The following ATP2B2 variants were observed in gnomAD, a reference collection of about 807,000 sequenced individuals.
ATP2B2 encodes the protein plasma membrane calcium-transporting ATPase 2.
In ATP2B2, 15 loss-of-function variants were observed where a neutral mutation model predicts 120.0. The observed-to-expected ratio is 0.12, with a 90% CI of 0.08 to 0.19. The LOEUF (loss-of-function observed/expected upper bound fraction) is 0.19, where lower values mean the gene tolerates loss of function less well. ATP2B2 is among the 10% of genes least tolerant of loss of function. ATP2B2 has a pLI of 1.00. For missense variants in ATP2B2, 1,045 were observed against 1,719.8 expected (o/e 0.61, Z 6.94); for synonymous variants, 694 against 700.3 (o/e 0.99, Z 0.14).
chr3:10,447,637 C>T (rs1245780710), intron 2 of ATP2B2, among the ~76,000 whole-genome samples: 1 of 152,188 alleles, frequency 6.6e-6, no homozygotes, highest in African/African-American at 2.4e-5. Context: ...CTTGAACAAC[C>T]CTGCCTGCCA....
intron 1 of ATP2B2, among the ~76,000 whole-genome samples, chr3:10,674,167 T>C (rs2071188144): frequency 6.6e-6 from 1 of 152,044 alleles, no homozygotes; most frequent in African/African-American, 2.4e-5. Context: ...GTGGGAACCA[T>C]TTGGGGGTGG....
chr3:10,585,348 A>T (rs71316406), intron 2 of ATP2B2, among the ~76,000 whole-genome samples: 39,191 of 151,346 alleles, frequency 0.26, 5,908 homozygotes, highest in East Asian at 0.49. Context: ...ACAAAAAGTT[A>T]GCTGGGTGTG....
chr3:10,358,575 G>A, intron 14 of ATP2B2, 116 bp downstream of exon 14: 2 of 973,696 alleles, frequency 2.1e-6, no homozygotes, highest in Non-Finnish European at 3.2e-6. Context: ...AAATCCCCAT[G>A]GGCATTATGT....
chr3:10,599,802 G>T (rs910952912), intron 2 of ATP2B2, among the ~76,000 whole-genome samples: 1 of 119,998 alleles, frequency 8.3e-6, no homozygotes, highest in East Asian at 2.9e-4. Flanking sequence ...TGTTCTATAA[G>T]GGGGTGGGGG....
At chr3:10,695,374 C>T (rs562576248) in intron 1 of ATP2B2, among the ~76,000 whole-genome samples, 2 of 152,104 alleles carry the variant, frequency 1.3e-5, no homozygotes, top group Non-Finnish European at 1.5e-5. Context: ...GAAAGACCTG[C>T]TCCCATGATT....
chr3:10,360,784 G>T (rs1046887374), intron 12 of ATP2B2, among the ~76,000 whole-genome samples: 6 of 152,192 alleles, frequency 3.9e-5, no homozygotes, highest in Non-Finnish European at 7.4e-5. Context: ...GCTTGTGTGT[G>T]GGTGTGCGTG....
intron 1 of ATP2B2, among the ~76,000 whole-genome samples, chr3:10,484,651 G>T (rs574449653): frequency 8.8e-4 from 134 of 152,266 alleles, no homozygotes; most frequent in Non-Finnish European, 9.1e-4. Flanking sequence ...CTCACATCCT[G>T]CAGGGCCCCC....
chr3:10,468,760 C>T (rs1001116727), intron 1 of ATP2B2, among the ~76,000 whole-genome samples: 2 of 152,218 alleles, frequency 1.3e-5, no homozygotes, highest in Admixed American at 6.5e-5. Flanking sequence ...CAGGTCTCGT[C>T]TTGGGTTCCT....
chr3:10,573,755 T>C (rs939144942), intron 2 of ATP2B2, among the ~76,000 whole-genome samples: 13 of 152,340 alleles, frequency 8.5e-5, no homozygotes, highest in Middle Eastern at 6.8e-3. Context: ...GCTTCTTTGC[T>C]GGTAGAGTGC....
upstream of ATP2B2, among the ~76,000 whole-genome samples, chr3:10,508,724 G>C (rs185734229): frequency 3.7e-3 from 570 of 152,302 alleles, 1 homozygote; most frequent in Non-Finnish European, 4.7e-3. Context: ...GGGGGCAGGG[G>C]GTATTGGACA....
At chr3:10,669,605 C>G (rs2071040092) in intron 1 of ATP2B2, among the ~76,000 whole-genome samples, 1 of 152,308 alleles carries the variant, frequency 6.6e-6, no homozygotes, top group Middle Eastern at 3.4e-3. Context: ...CCCAGGCACC[C>G]ATAAATATTT....
chr3:10,569,027 T>C (rs1223397162), intron 2 of ATP2B2, among the ~76,000 whole-genome samples: 2 of 152,208 alleles, frequency 1.3e-5, no homozygotes, highest in African/African-American at 2.4e-5. Flanking sequence ...TCTCGATGGA[T>C]CCTCCTCTTA....
intron 5 of ATP2B2, among the ~76,000 whole-genome samples, chr3:10,393,969 T>G (rs1024450002): frequency 6.6e-6 from 1 of 152,196 alleles, no homozygotes; most frequent in Non-Finnish European, 1.5e-5. Flanking sequence ...TGGGGTATGC[T>G]GAGCCATAGG....
At chr3:10,575,389 T>C (rs778442034) in intron 2 of ATP2B2, among the ~76,000 whole-genome samples, 6 of 151,616 alleles carry the variant, frequency 4.0e-5, no homozygotes, top group Non-Finnish European at 8.8e-5. Flanking sequence ...AGAGAAGAGG[T>C]CATTGGGAAA....
In ATP2B2 at chr3:10,410,631, G is replaced by A. The variant is rs369096792; in HGVS notation, c.384C>T (p.Gly128=). The A allele has an allele frequency of 2.2e-5, 36 of 1,606,554 alleles. No homozygotes were observed. The highest frequency in any genetic ancestry group is 2.6e-5 in the Non-Finnish European group (31 of 1,174,478). ...GGCCCATCTTACCTTCGTTGCCCTCGCCGGGCGGGTGGTAGAAGGACAGCC... is the reference window on the plus strand; with the variant it reads ...GGCCCATCTTACCTTCGTTGCCCTCACCGGGCGGGTGGTAGAAGGACAGCC... The part of the protein sequence containing the change: ...SLGLSFYHPP[G]EGNEGCATAQ... The change falls in exon 3 of 23, where the codon GGC becomes GGT. Residue 128 remains glycine (G), a synonymous_variant. Transcript: ENST00000360273.
chr3:10,349,370 G>A (rs940298639), intron 16 of ATP2B2, among the ~76,000 whole-genome samples: 3 of 152,166 alleles, frequency 2.0e-5, no homozygotes, highest in Admixed American at 2.0e-4. Context: ...CAGGAGGATG[G>A]CTTGAGCCTA....
At chr3:10,641,453 A>C (rs2125651992) in intron 1 of ATP2B2, among the ~76,000 whole-genome samples, 1 of 152,212 alleles carries the variant, frequency 6.6e-6, no homozygotes, top group East Asian at 1.9e-4. Context: ...CAAGTCCCTA[A>C]ATTTTCCAAT....
chr3:10,342,870 G>T lies in ATP2B2; in HGVS notation c.2799C>A (p.Thr933=), dbSNP rs1029959938. ...LALATEPPTE[T]LLLRKPYGRN... ...GGCCGTACGGCTTCCTCAGCAGCAG[G>T]GTCTCCGTGGGCGGCTCAGTGGCCA... The change falls in exon 19 of 23, where the codon ACC becomes ACA. Residue 933 remains threonine (T), a synonymous_variant. Coordinates refer to ENST00000360273, the MANE Select transcript of ATP2B2 (RefSeq NM_001001331.4). The surrounding 1 kb of genome is among the most constrained non-coding windows in gnomAD (Gnocchi z 4.4). 1.2e-6 allele frequency: 2 copies of T among 1,614,120 alleles called. No homozygotes were observed. Among genetic ancestry groups the T allele is most frequent in the Admixed American group, 3.3e-5 (2 of 60,034 alleles).
chr3:10,469,428 A>G lies in ATP2B2; in HGVS notation c.-319-19566T>C, dbSNP rs113324012. Among the ~76,000 whole-genome samples the G allele has an allele frequency of 8.6e-3, 1,317 of 152,362 alleles. 19 individuals carry two copies. The highest frequency in any genetic ancestry group is 0.027 in the African/African-American group (1,116 of 41,592). ...AATACAGCATTTGTTAGGTGAAGGA[A>G]TGAAAATACAAGAGGTCATGCAGGG... On this transcript the variant is annotated intron_variant, in intron 1 of 22. Transcript: ENST00000360273.
Sources: gnomAD v4.1 joint callset for allele counts (sites outside exome capture counted in the v4.1 genomes callset) on GRCh38, gnomAD v4.1.1 for gene constraint, Gnocchi (gnomAD v3.1) non-coding constraint, MANE v1.5 for transcripts, NCBI Gene and HGNC (gene_info 2026-07-23, HGNC 2026-07-21) for gene names.